Variants in MYT1L observed in about 807,000 individuals in gnomAD.
MYT1L encodes myelin transcription factor 1 like.
Under a neutral mutation model 126.7 loss-of-function variants are expected in MYT1L, and 12 were observed. The ratio of observed to expected loss-of-function variants is 0.09; its 90% confidence interval spans 0.06 to 0.15. The LOEUF (loss-of-function observed/expected upper bound fraction) is 0.15, where lower values mean the gene tolerates loss of function less well. Among genes scored for constraint, MYT1L ranks in the 10% least tolerant of loss-of-function variants. MYT1L has a pLI of 1.00. For missense variants in MYT1L, 979 were observed against 1,585.2 expected (o/e 0.62, Z 6.49); for synonymous variants, 541 against 604.2 (o/e 0.90, Z 1.53).
At chr2:2,301,675 T>A (rs2095788042) in intron 1 of MYT1L, among the ~76,000 whole-genome samples, 4 of 151,504 alleles carry the variant, frequency 2.6e-5, no homozygotes, top group Non-Finnish European at 5.9e-5. Context: ...CTAAAAAATT[T>A]AAAAAGTTAG....
chr2:1,950,839 A>T (rs1057032047), intron 8 of MYT1L, among the ~76,000 whole-genome samples: 10 of 152,192 alleles, frequency 6.6e-5, no homozygotes, highest in South Asian at 2.1e-4. Context: ...CAAAACCATC[A>T]CTGTGGCTGT....
At chr2:2,129,636 G>A (rs2082115291) in intron 3 of MYT1L, among the ~76,000 whole-genome samples, 1 of 152,222 alleles carries the variant, frequency 6.6e-6, no homozygotes, top group Admixed American at 6.5e-5. Context: ...GCCGGGCGCG[G>A]TGGCTCACGC....
intron 14 of MYT1L, among the ~76,000 whole-genome samples, chr2:1,892,582 C>T (rs1398392489): frequency 1.3e-5 from 2 of 148,772 alleles, no homozygotes; most frequent in Non-Finnish European, 3.0e-5. Flanking sequence ...CCAGCACAGG[C>T]GGTCACCTGG....
chr2:2,022,416 C>G (rs560116914), intron 4 of MYT1L, among the ~76,000 whole-genome samples: 2 of 152,278 alleles, frequency 1.3e-5, no homozygotes, highest in East Asian at 3.9e-4. Flanking sequence ...TTGGCAGGCT[C>G]AGAGTTCCAC....
chr2:2,119,145 C>G (rs1453300419), intron 3 of MYT1L, among the ~76,000 whole-genome samples: 1 of 152,228 alleles, frequency 6.6e-6, no homozygotes, highest in Non-Finnish European at 1.5e-5. Context: ...AGGACATTTT[C>G]ACGTACATTT....
chr2:1,852,254 G>T lies in MYT1L; in HGVS notation c.2712-551C>A, dbSNP rs1346801817. 2.0e-5 allele frequency among the ~76,000 whole-genome samples: 3 copies of T among 152,146 alleles called. No homozygotes were observed. Among genetic ancestry groups the T allele is most frequent in the Non-Finnish European group, 4.4e-5 (3 of 68,020 alleles). On this transcript the variant is annotated intron_variant, in intron 18 of 24. Coordinates refer to ENST00000647738, the MANE Select transcript of MYT1L (RefSeq NM_001303052.2). This position sits in a 1 kb window ranked among gnomAD's most constrained non-coding sequence, Gnocchi z 4.0. ...CCGCATCTGGACCATGGGAATGCAG[G>T]CCGACTGTCTTTCCGATGACCACTG...
rs567862718 is a variant in MYT1L, at chr2:2,202,293, G to C, written c.-420-29305C>G. On this transcript the variant is annotated intron_variant, in intron 2 of 24. Coordinates refer to ENST00000647738, the MANE Select transcript of MYT1L (RefSeq NM_001303052.2). Reference sequence around the variant, plus strand: ...GATCAGAGCAGGACTGAAGGAAATAGAGACACAAAAAAACCTTCAAAAAAT... The same window carrying C: ...GATCAGAGCAGGACTGAAGGAAATACAGACACAAAAAAACCTTCAAAAAAT... Among the ~76,000 whole-genome samples the C allele has an allele frequency of 1.4e-4, 22 of 152,278 alleles. No individual in the cohort carries two copies. In the South Asian group the frequency reaches 4.6e-3, roughly 32 times the overall value.
intron 4 of MYT1L, among the ~76,000 whole-genome samples, chr2:2,032,767 G>A (rs2066490636): frequency 9.9e-6 from 1 of 100,814 alleles, no homozygotes. Context: ...TCATCCTGTG[G>A]CCCAGAGCAG....
chr2:2,210,335 G>C (rs144918275), intron 2 of MYT1L, among the ~76,000 whole-genome samples: 2 of 152,272 alleles, frequency 1.3e-5, no homozygotes, highest in Admixed American at 6.5e-5. Context: ...CAATATCCTA[G>C]AGCATTTCCC....
At chr2:2,008,103 ACT>A (rs2149734734) in intron 4 of MYT1L, among the ~76,000 whole-genome samples, 1 of 152,042 alleles carries the variant, frequency 6.6e-6, no homozygotes, top group East Asian at 1.9e-4. Context: ...CCAATAGATG[ACT>A]CTGTCACTCC....
chr2:1,903,946 T>C (rs550457065), intron 13 of MYT1L, among the ~76,000 whole-genome samples: 113 of 152,276 alleles, frequency 7.4e-4, no homozygotes, highest in African/African-American at 2.6e-3. Context: ...TGTGTGTGTG[T>C]GTGCGCGTGC....
chr2:2,312,156 C>T (rs1559639254), intron 1 of MYT1L, among the ~76,000 whole-genome samples: 1 of 152,186 alleles, frequency 6.6e-6, no homozygotes, highest in Non-Finnish European at 1.5e-5. Context: ...TCCTCATGCT[C>T]CCTTGGCCAG....
chr2:1,799,076 G>A (rs1031506632), intron 23 of MYT1L, among the ~76,000 whole-genome samples: 8 of 152,190 alleles, frequency 5.3e-5, no homozygotes, highest in Admixed American at 3.3e-4. Flanking sequence ...CCGGCTCAGC[G>A]CATTCCCATC....
At chr2:2,167,553 C>T (rs1243567805) in intron 3 of MYT1L, among the ~76,000 whole-genome samples, 1 of 152,204 alleles carries the variant, frequency 6.6e-6, no homozygotes, top group Non-Finnish European at 1.5e-5. Context: ...TGGTCTCTCA[C>T]CATCTACAGA....
chr2:2,223,925 C>T (rs1030676363), intron 2 of MYT1L, among the ~76,000 whole-genome samples: 1 of 152,144 alleles, frequency 6.6e-6, no homozygotes, highest in Non-Finnish European at 1.5e-5. Context: ...GGTGGGTCAG[C>T]GAAGGGAGAT....
At chr2:1,792,275 G>A (rs758323992) in intron 24 of MYT1L, 46 bp downstream of exon 24, 5 of 1,552,936 alleles carry the variant, frequency 3.2e-6, no homozygotes, top group East Asian at 4.7e-5. Context: ...TAGGCTGTGC[G>A]CTGTGGAGGA....
rs566754838 is a variant in MYT1L at position 2,203,862 on chromosome 2, A to G, written c.-420-30874T>C. 2.0e-5 allele frequency among the ~76,000 whole-genome samples: 3 copies of G among 152,334 alleles called. No homozygotes were observed. The South Asian group carries it at 6.2e-4, about 32-fold the overall frequency. On this transcript the variant is annotated intron_variant, in intron 2 of 24. Coordinates refer to ENST00000647738, the MANE Select transcript of MYT1L (RefSeq NM_001303052.2). ...ATCACACTACCTGACTTCAAACTAT[A>G]CTACAAGGCTACAGTCACCAAAACA...
intron 3 of MYT1L, among the ~76,000 whole-genome samples, chr2:2,150,730 T>C (rs1305694774): frequency 1.3e-5 from 2 of 152,084 alleles, no homozygotes; most frequent in East Asian, 3.9e-4. Context: ...TCTACAAAGA[T>C]TCGAAATGTA....
intron 4 of MYT1L, among the ~76,000 whole-genome samples, chr2:2,048,062 C>T (rs1274804033): frequency 1.3e-5 from 2 of 152,006 alleles, no homozygotes; most frequent in Admixed American, 1.3e-4. Context: ...AGGCACAGAC[C>T]CGGCTTTAAT....
Sources: gnomAD v4.1 joint callset for allele counts (sites outside exome capture counted in the v4.1 genomes callset) on GRCh38, gnomAD v4.1.1 for gene constraint, Gnocchi (gnomAD v3.1) non-coding constraint, MANE v1.5 for transcripts, NCBI Gene and HGNC (gene_info 2026-07-23, HGNC 2026-07-21) for gene names.